Variants in HHIP observed in about 807,000 individuals in gnomAD.
HHIP encodes the protein hedgehog interacting protein, also known as hedgehog-interacting protein.
A neutral mutation model predicts 74.0 loss-of-function variants in HHIP; 12 were observed. The ratio of observed to expected loss-of-function variants is 0.16; its 90% CI spans 0.10 to 0.26. The LOEUF (loss-of-function observed/expected upper bound fraction) is 0.26, where lower values mean the gene tolerates loss of function less well. HHIP is among the 10% of genes least tolerant of loss of function. The pLI, the probability that HHIP is intolerant of heterozygous loss-of-function variation, is 1.00. For missense variants in HHIP, 788 were observed against 845.0 expected (o/e 0.93, Z 0.84); for synonymous variants, 309 against 311.6 (o/e 0.99, Z 0.09).
chr4:144,717,868 T>C (rs1158345517), intron 10 of HHIP, among the ~76,000 whole-genome samples: 1 of 152,184 alleles, frequency 6.6e-6, no homozygotes, highest in East Asian at 1.9e-4. Context: ...CAATTTCATG[T>C]GGCCTCAAAT....
chr4:144,679,856 T>C (rs1419444896), intron 4 of HHIP, among the ~76,000 whole-genome samples: 1 of 152,238 alleles, frequency 6.6e-6, no homozygotes, highest in East Asian at 1.9e-4. Context: ...AGTCTATTAG[T>C]GTGCCTTTGC....
At chr4:144,653,741 A>G (rs1728487003) in intron 2 of HHIP, among the ~76,000 whole-genome samples, 1 of 152,182 alleles carries the variant, frequency 6.6e-6, no homozygotes, top group African/African-American at 2.4e-5. Context: ...TCTCTGACCC[A>G]GGAAAGTGTA....
chr4:144,721,353 T>C (rs1282032396), intron 11 of HHIP, among the ~76,000 whole-genome samples: 4 of 152,056 alleles, frequency 2.6e-5, no homozygotes, highest in East Asian at 1.9e-4. Context: ...AGAAACTATA[T>C]ACGCAGTATC....
chr4:144,660,079 AATTGACAC>A (rs1258322496), intron 4 of HHIP: 3 of 545,804 alleles, frequency 5.5e-6, no homozygotes, highest in Non-Finnish European at 9.6e-6. Context: ...TTCCCCATGT[AATTGACAC>A]ATTTAAAGGA....
rs751946112 is a variant in HHIP, at chr4:144,658,800, A to G, written c.483A>G (p.Gln161=). 6.8e-6 allele frequency: 11 copies of G among 1,611,792 alleles called. No homozygotes were observed. The highest frequency in any genetic ancestry group is 7.6e-6 in the Non-Finnish European group (9 of 1,178,956). The change falls in exon 3 of 13, where the codon CAA becomes CAG. Residue 161 remains glutamine, a synonymous_variant. Transcript: ENST00000296575. ...TTATATTTTTTAAAGGTTTCCTTCAAACAACTGCGGATGAGTTTTGCTTTT... is the reference window on the plus strand; with the variant it reads ...TTATATTTTTTAAAGGTTTCCTTCAGACAACTGCGGATGAGTTTTGCTTTT... The part of the protein sequence containing the change: ...TCRGHIPGFL[Q]TTADEFCFYY...
intron 11 of HHIP, among the ~76,000 whole-genome samples, chr4:144,731,599 T>C (rs1730957005): frequency 6.6e-6 from 1 of 152,204 alleles, no homozygotes; most frequent in Non-Finnish European, 1.5e-5. Context: ...TTTGTATTTT[T>C]AGTACAGACA....
intron 11 of HHIP, among the ~76,000 whole-genome samples, chr4:144,726,281 A>C (rs2126680442): frequency 6.6e-6 from 1 of 152,240 alleles, no homozygotes; most frequent in South Asian, 2.1e-4. Flanking sequence ...ATATAATCCA[A>C]GATTTCTGAT....
Position 144,742,651 on chromosome 4 carries a change from T to G in HHIP, c.*4694T>G, listed in dbSNP as rs188389708. 4 of 151,576 alleles carry G rather than the reference T, an allele frequency of 2.6e-5. No homozygotes were observed. The East Asian group carries it at 7.8e-4, about 29-fold the overall frequency. 9.4% of individuals were successfully genotyped at this position (151,576 alleles called of 1,614,324 possible). A position where few individuals can be genotyped will look rare whatever the true frequency, so the allele number is the denominator to read the frequency against. On this transcript the variant is annotated 3_prime_UTR_variant, in exon 13 of 13. Transcript: ENST00000296575. Reference sequence around the variant, plus strand: ...CAGACCAAAGTCCCATGGCAGAAAATGTACATATTTTTAAACTACTCCCAG... The same window carrying G: ...CAGACCAAAGTCCCATGGCAGAAAAGGTACATATTTTTAAACTACTCCCAG...
intron 12 of HHIP, among the ~76,000 whole-genome samples, chr4:144,736,012 T>C (rs1403128614): frequency 6.6e-6 from 1 of 152,192 alleles, no homozygotes; most frequent in African/African-American, 2.4e-5. Flanking sequence ...CCATCTTCTC[T>C]GTCTTTTTGT....
At chr4:144,678,616 C>A (rs1342283060) in intron 4 of HHIP, among the ~76,000 whole-genome samples, 1 of 152,114 alleles carries the variant, frequency 6.6e-6, no homozygotes, top group South Asian at 2.1e-4. Flanking sequence ...TTCTTCAACT[C>A]CAACTTATCA....
Position 144,658,862 on chromosome 4 carries a change from A to C in HHIP, c.545A>C (p.Asp182Ala). 6.2e-7 allele frequency: 1 copy of C among 1,613,762 alleles called. No homozygotes were observed. Among genetic ancestry groups the C allele is most frequent in the African/African-American group, 1.3e-5 (1 of 75,012 alleles). ...ARKDGGLCFPDFPRKQVRGPA... is the reference protein window; with the variant it reads ...ARKDGGLCFPAFPRKQVRGPA... ...AAAGATGGTGGGTTGTGCTTTCCAG[A>C]TTTTCCAAGAAAACAAGTCAGAGGA... The change falls in exon 3 of 13, where the codon GAT becomes GCT. Residue 182 changes from aspartate (D) to alanine (A), a missense_variant. Around this residue, in one of 3 missense-constraint regions of HHIP, gnomAD observed 373 missense variants for 366.4 expected, o/e 1.02. Transcript: ENST00000296575.
At chr4:144,719,056 C>G (rs1730552449) in intron 11 of HHIP, 100 bp downstream of exon 11, 1 of 766,472 alleles carries the variant, frequency 1.3e-6, no homozygotes, top group Non-Finnish European at 2.3e-6. Flanking sequence ...AGCAATCAGC[C>G]AAGATGTACA....
intron 11 of HHIP, among the ~76,000 whole-genome samples, chr4:144,731,323 C>G (rs145256408): frequency 6.6e-6 from 1 of 152,134 alleles, no homozygotes; most frequent in Non-Finnish European, 1.5e-5. Context: ...TGGGGAGCCA[C>G]AAGAGATGAG....
intron 4 of HHIP, among the ~76,000 whole-genome samples, chr4:144,667,199 CA>C (rs1039107990): frequency 1.3e-5 from 2 of 151,994 alleles, no homozygotes; most frequent in African/African-American, 4.8e-5. Context: ...AAAATTTAAA[CA>C]TTAGCCAGGT....
intron 4 of HHIP, among the ~76,000 whole-genome samples, chr4:144,684,486 A>G (rs1250197090): frequency 6.6e-6 from 1 of 151,018 alleles, no homozygotes; most frequent in Non-Finnish European, 1.5e-5. Flanking sequence ...TCACCGTGTT[A>G]GCTAAGATGG....
intron 11 of HHIP, among the ~76,000 whole-genome samples, chr4:144,722,073 C>A (rs1231775892): frequency 6.6e-6 from 1 of 152,124 alleles, no homozygotes; most frequent in Non-Finnish European, 1.5e-5. Context: ...GCTCAGCCAA[C>A]CCACAGGATC....
chr4:144,719,312 G>A (rs528297136), intron 11 of HHIP, among the ~76,000 whole-genome samples: 2 of 152,248 alleles, frequency 1.3e-5, no homozygotes, highest in South Asian at 2.1e-4. Context: ...TTAAGAAAAC[G>A]AGAAACATAC....
intron 11 of HHIP, among the ~76,000 whole-genome samples, chr4:144,727,592 G>T (rs1730838743): frequency 6.6e-6 from 1 of 152,130 alleles, no homozygotes; most frequent in Non-Finnish European, 1.5e-5. Context: ...ACCTAAGGCA[G>T]TTTGATAAAA....
chr4:144,662,515 GA>G (rs1276649580), intron 4 of HHIP, among the ~76,000 whole-genome samples: 1 of 151,962 alleles, frequency 6.6e-6, no homozygotes, highest in Non-Finnish European at 1.5e-5. Context: ...TTTTGCTATA[GA>G]AAAAAAAGTT....
Sources: gnomAD v4.1 joint callset for allele counts (sites outside exome capture counted in the v4.1 genomes callset) on GRCh38, gnomAD v4.1.1 for gene constraint, gnomAD v4.1.1 regional missense constraint, MANE v1.5 for transcripts, NCBI Gene and HGNC (gene_info 2026-07-23, HGNC 2026-07-21) for gene names.